The following PCNT variants were observed in gnomAD, a reference collection of about 807,000 sequenced individuals.
PCNT encodes pericentrin.
PCNT carries 319 observed loss-of-function variants against 380.4 expected under a neutral mutation model. The ratio of observed to expected loss-of-function variants is 0.84; its 90% CI spans 0.77 to 0.92. The LOEUF is 0.92. Ranked by LOEUF, PCNT falls within the 40% of genes least tolerant of loss-of-function variation. The probability of loss-of-function intolerance (pLI) is 0.00; values close to 1 mark genes in which losing one functional copy is unlikely to be tolerated. For missense variants in PCNT, 4,400 were observed against 4,255.3 expected (o/e 1.03, Z -0.95); for synonymous variants, 1,845 against 1,735.2 (o/e 1.06, Z -1.57).
chr21:46,431,835 C>T lies in PCNT; in HGVS notation c.8371C>T (p.Leu2791=). The change falls in exon 38 of 47, where the codon CTG becomes TTG. Residue 2791 remains leucine, a synonymous_variant. Coordinates refer to ENST00000359568, the MANE Select transcript of PCNT (RefSeq NM_006031.6). ...HQDTQAHHAL[L]QKLKEEKSRV... ...GGACACACAGGCCCATCACGCTCTG[C>T]TGCAGAAGCTGAAGGAGGAGAAGTC... The T allele has an allele frequency of 6.2e-7, 1 of 1,613,938 alleles. No homozygotes were observed. The highest frequency in any genetic ancestry group is 8.5e-7 in the Non-Finnish European group (1 of 1,180,040).
chr21:46,371,495 GTTAC>G (rs1411938357), intron 15 of PCNT, among the ~76,000 whole-genome samples: 1 of 152,178 alleles, frequency 6.6e-6, no homozygotes, highest in Non-Finnish European at 1.5e-5. Context: ...GGCCAGTGTA[GTTAC>G]TTACTTTTTC....
intron 21 of PCNT, among the ~76,000 whole-genome samples, chr21:46,395,146 G>C (rs1569246624): frequency 6.6e-6 from 1 of 152,224 alleles, no homozygotes; most frequent in Non-Finnish European, 1.5e-5. Context: ...TGCTGACAGT[G>C]GCATCAACAT....
In PCNT at chr21:46,385,874, T is replaced by G; in HGVS notation, c.3355T>G (p.Cys1119Gly). The change falls in exon 17 of 47, where the codon TGC (cysteine) becomes GGC (glycine). Residue 1119 changes from cysteine (C) to glycine (G), a missense_variant. Transcript: ENST00000359568. ...ATCCTTAAGTCACGAGATAGAAGAG[T>G]GCCGCTCCGAGTTGGAGGTGCTGCA... ...VLSLSHEIEE[C>G]RSELEVLQQR... 1 of 1,614,010 alleles carries G rather than the reference T, an allele frequency of 6.2e-7. No individual in the cohort carries two copies. Among genetic ancestry groups the G allele is most frequent in the Non-Finnish European group, 8.5e-7 (1 of 1,179,968 alleles).
chr21:46,325,983 C>A (rs2083383236), intron 1 of PCNT, among the ~76,000 whole-genome samples: 1 of 152,184 alleles, frequency 6.6e-6, no homozygotes, highest in Non-Finnish European at 1.5e-5. Context: ...TATATTTCTT[C>A]AGTTGGGGGA....
Position 46,438,238 on chromosome 21 carries a change from G to A in PCNT, c.9174G>A (p.Ala3058=), listed in dbSNP as rs554275370. ...AAGACAATGTTTCCCTCACAAAAGC[G>A]CTCAGCACGGTGACCCAGGAGAAGC... ...LLKDNVSLTK[A]LSTVTQEKLE... The change falls in exon 41 of 47, where the codon GCG becomes GCA. Residue 3058 remains alanine (A), a synonymous_variant. Coordinates refer to ENST00000359568, the MANE Select transcript of PCNT (RefSeq NM_006031.6). 4.0e-4 allele frequency: 646 copies of A among 1,614,102 alleles called. 6 individuals are homozygous for A. The South Asian group carries it at 6.5e-3, about 16-fold the overall frequency.
At chr21:46,333,598 C>CAA (rs1265854909) in intron 2 of PCNT, among the ~76,000 whole-genome samples, 20 of 132,344 alleles carry the variant, frequency 1.5e-4, no homozygotes, top group African/African-American at 5.6e-5. Context: ...AACTTTGTCT[C>CAA]AAAAAAAAAA....
At chr21:46,364,180 T>C (rs1035172388) in intron 14 of PCNT, among the ~76,000 whole-genome samples, 5 of 151,372 alleles carry the variant, frequency 3.3e-5, no homozygotes, top group African/African-American at 1.2e-4. Flanking sequence ...AGCTTTGTGC[T>C]CGGACAGGCA....
intron 24 of PCNT, among the ~76,000 whole-genome samples, chr21:46,398,485 A>T (rs1284078252): frequency 6.6e-6 from 1 of 152,286 alleles, no homozygotes; most frequent in African/African-American, 2.4e-5. Context: ...CGTGCCTGGC[A>T]CGTGGTTCCC....
chr21:46,346,783 T>G lies in PCNT; in HGVS notation c.761T>G (p.Leu254Arg). ...GAGCTGGAGGCGCTGCGCCTGAGTC[T>G]GAGCAACATGCACACGGCGCAGCTG... ...GLELEALRLS[L>R]SNMHTAQLEL... Residue 254 changes from leucine (L) to arginine (R), a missense_variant, in exon 5 of 47, where the codon CTG (leucine) becomes CGG (arginine). By Grantham distance (102) the Leu-to-Arg change is moderately radical. Coordinates refer to ENST00000359568, the MANE Select transcript of PCNT (RefSeq NM_006031.6). 1 of 1,600,052 alleles carries G rather than the reference T, an allele frequency of 6.2e-7. No homozygotes were observed. The highest frequency in any genetic ancestry group is 8.5e-7 in the Non-Finnish European group (1 of 1,174,502).
Position 46,346,800 on chromosome 21 carries a change from G to A in PCNT, c.778G>A (p.Ala260Thr). The part of the protein sequence containing the change: ...LRLSLSNMHT[A>T]QLELTQANLQ... ...CCTGAGTCTGAGCAACATGCACACG[G>A]CGCAGCTGGAGCTGACACAGGCCAA... The change falls in exon 5 of 47, where the codon GCG becomes ACG. Residue 260 changes from alanine (A) to threonine (T), a missense_variant. Ala to Thr is a moderately conservative substitution (Grantham distance 58). Transcript: ENST00000359568. 1 of 1,600,844 alleles carries A rather than the reference G, an allele frequency of 6.2e-7. No homozygotes were observed. The highest frequency in any genetic ancestry group is 8.5e-7 in the Non-Finnish European group (1 of 1,174,752).
At chr21:46,380,398 G>A (rs2085486066) in intron 15 of PCNT, among the ~76,000 whole-genome samples, 1 of 151,932 alleles carries the variant, frequency 6.6e-6, no homozygotes, top group African/African-American at 2.4e-5. Context: ...CTGACCTTGT[G>A]ATCTGCCCGC....
intron 32 of PCNT, among the ~76,000 whole-genome samples, chr21:46,423,710 A>G (rs2330434): frequency 0.96 from 57,320 of 59,694 alleles, 27,567 homozygotes; most frequent in East Asian, 0.98. Context: ...GGAGGGGGAG[A>G]GGAGGAGGAA....
intron 39 of PCNT, 80 bp downstream of exon 39, chr21:46,436,228 G>A (rs1358873048): frequency 3.9e-6 from 6 of 1,530,204 alleles, no homozygotes; most frequent in East Asian, 2.3e-5. Context: ...GGGCTGGGGC[G>A]CGTCTGGTGT....
At chr21:46,332,258 AAGGCTTAAG>A (rs2083583477) in intron 2 of PCNT, among the ~76,000 whole-genome samples, 3 of 152,232 alleles carry the variant, frequency 2.0e-5, no homozygotes, top group African/African-American at 2.4e-5. Flanking sequence ...AGTGCTATAG[AAGGCTTAAG>A]AAGTGTGGTT....
Position 46,411,408 on chromosome 21 carries a change from C to T in PCNT, c.5335C>T (p.Gln1779Ter), listed in dbSNP as rs1379580550. Reference sequence around the variant, plus strand: ...TCTGCAGAGCGAGCTGCTCTGCTCCCAGGCCGGGGGCCCTCGTGGGCAGGC... The same window carrying T: ...TCTGCAGAGCGAGCTGCTCTGCTCCTAGGCCGGGGGCCCTCGTGGGCAGGC... ...GSLQSELLCS[Q>*]AGGPRGQALQ... The change falls in exon 28 of 47, where the codon CAG (glutamine) becomes TAG (stop). Residue 1779 changes from glutamine (Q) to a stop codon, truncating the protein, a stop_gained. Coordinates refer to ENST00000359568, the MANE Select transcript of PCNT (RefSeq NM_006031.6). LOFTEE classifies it high-confidence loss of function. The T allele has an allele frequency of 6.2e-7, 1 of 1,613,480 alleles. No homozygotes were observed. Among genetic ancestry groups the T allele is most frequent in the Admixed American group, 1.7e-5 (1 of 60,034 alleles).
chr21:46,360,475 G>C (rs1370029443), intron 13 of PCNT, among the ~76,000 whole-genome samples: 1 of 148,582 alleles, frequency 6.7e-6, no homozygotes, highest in Non-Finnish European at 1.5e-5. Flanking sequence ...CGCCTGCCTC[G>C]GACTCCCAAA....
At chr21:46,351,657 C>G (rs2084277841) in intron 9 of PCNT, 117 bp downstream of exon 9, 1 of 740,992 alleles carries the variant, frequency 1.3e-6, no homozygotes, top group African/African-American at 1.7e-5. Flanking sequence ...GTGGATTTAC[C>G]TGTTTGACAT....
intron 21 of PCNT, among the ~76,000 whole-genome samples, chr21:46,395,230 A>G (rs2147367836): frequency 6.6e-6 from 1 of 152,340 alleles, no homozygotes; most frequent in South Asian, 2.1e-4. Context: ...AATCAAAATG[A>G]TTTTTTGGAA....
intron 21 of PCNT, chr21:46,394,420 C>T (rs559873711): frequency 2.4e-5 from 14 of 580,794 alleles, no homozygotes; most frequent in South Asian, 2.2e-4. Context: ...CTGCTGCTGA[C>T]GCTGCCGTCA....
Sources: gnomAD v4.1 joint callset for allele counts (sites outside exome capture counted in the v4.1 genomes callset) on GRCh38, gnomAD v4.1.1 for gene constraint, MANE v1.5 for transcripts, NCBI Gene and HGNC (gene_info 2026-07-23, HGNC 2026-07-21) for gene names.